The following ACE variants were observed in gnomAD, a reference collection of about 807,000 sequenced individuals.
ACE encodes the protein angiotensin-converting enzyme.
Under a neutral mutation model 162.3 loss-of-function variants are expected in ACE, and 122 were observed. The ratio of observed to expected loss-of-function variants is 0.75; its 90% CI spans 0.65 to 0.87. ACE has a LOEUF of 0.87. Among genes scored for constraint, ACE ranks in the 40% least tolerant of loss-of-function variants. ACE has a pLI of 0.00. For synonymous variants in ACE, 796 were observed against 720.6 expected, an observed-to-expected ratio of 1.10 and a Z score of -1.68; for missense variants, 1,799 against 1,735.1, an observed-to-expected ratio of 1.04 and a Z score of -0.65.
At chr17:63,489,279 G>C (rs1169614847) in intron 17 of ACE, 147 bp downstream of exon 17, 1 of 996,206 alleles carries the variant, frequency 1.0e-6, no homozygotes, top group African/African-American at 1.6e-5. Context: ...GCTGGAGGGG[G>C]GTGGGCGCTG....
Position 63,484,321 on chromosome 17 carries a change from G to A in ACE, c.1710-9G>A. ...CCCCTGTGCCCATGGTACCCACTCT[G>A]CCCACCAGGAAGGTGCTGCAGGCTG... is the stretch of plus-strand genomic sequence containing the variant. On this transcript the variant is annotated splice_polypyrimidine_tract_variant and intron_variant, in intron 11 of 24. Transcript: ENST00000290866. This position sits in a 1 kb window ranked among gnomAD's most constrained non-coding sequence, Gnocchi z 4.0. 2 of 1,608,530 alleles carry A rather than the reference G, an allele frequency of 1.2e-6. No individual in the cohort carries two copies. Among genetic ancestry groups the A allele is most frequent in the African/African-American group, 1.3e-5 (1 of 74,958 alleles).
intron 2 of ACE, chr17:63,478,414 C>T (rs2049654009): frequency 5.1e-6 from 2 of 390,290 alleles, no homozygotes; most frequent in Non-Finnish European, 4.8e-6. Flanking sequence ...GCCTGTAATC[C>T]CAGCACTTTG....
chr17:63,477,615 C>T (rs2049639837), intron 1 of ACE: 2 of 394,324 alleles, frequency 5.1e-6, no homozygotes, highest in African/African-American at 2.0e-5. Flanking sequence ...GGGGCCCCCG[C>T]GCTCTCGGGC....
At chr17:63,496,327 C>A in intron 22 of ACE, 67 bp from the exon 23 acceptor site, 1 of 1,612,152 alleles carries the variant, frequency 6.2e-7, no homozygotes, top group South Asian at 1.1e-5. Context: ...TGCAGAAGGG[C>A]CTGGGGCCCA....
chr17:63,481,460 A>G, intron 6 of ACE, 106 bp from the exon 7 acceptor site: 1 of 1,290,812 alleles, frequency 7.7e-7, no homozygotes, highest in Non-Finnish European at 1.1e-6. Context: ...CACAGAGCAG[A>G]GAAGCTTTCA....
In ACE at chr17:63,484,883, G is replaced by A; in HGVS notation, c.1921+342G>A. 1 of 1,587,956 alleles carries A rather than the reference G, an allele frequency of 6.3e-7. No individual in the cohort carries two copies. The highest frequency in any genetic ancestry group is 8.6e-7 in the Non-Finnish European group (1 of 1,167,126). ...TCCTGCGGCCATGGGCCAGGGTTGGGCTACTGCAGGACTTCCCAGCCTCCT... is the reference window on the plus strand; with the variant it reads ...TCCTGCGGCCATGGGCCAGGGTTGGACTACTGCAGGACTTCCCAGCCTCCT... On this transcript the variant is annotated intron_variant, in intron 12 of 24. Transcript: ENST00000290866. The surrounding 1 kb of genome is among the most constrained non-coding windows in gnomAD (Gnocchi z 4.0).
intron 15 of ACE, chr17:63,488,427 C>T (rs536622815): frequency 7.1e-6 from 3 of 422,120 alleles, no homozygotes; most frequent in East Asian, 6.1e-5. Context: ...ACTGCTGAGG[C>T]CCTGCAGGTG....
In ACE at chr17:63,496,969, C is replaced by A. The variant is rs1033103629; in HGVS notation, c.3675C>A (p.Asn1225Lys). Residue 1225 changes from asparagine (N) to lysine (K), a missense_variant, in exon 24 of 25, where the codon AAC (asparagine) becomes AAA (lysine). Coordinates refer to ENST00000290866, the MANE Select transcript of ACE (RefSeq NM_000789.4). ...AGAAGCTGGGCTGGCCGCAGTACAA[C>A]TGGACGCCGAACTCCGGTACCGCCA... ...HGEKLGWPQY[N>K]WTPNSARSEG... 2 of 1,611,720 alleles carry A rather than the reference C, an allele frequency of 1.2e-6. No homozygotes were observed. The highest frequency in any genetic ancestry group is 1.3e-5 in the African/African-American group (1 of 74,868).
chr17:63,482,390 C>T, intron 7 of ACE, 76 bp from the exon 8 acceptor site: 1 of 1,354,580 alleles, frequency 7.4e-7, no homozygotes, highest in South Asian at 1.2e-5. Flanking sequence ...CTTTCAGGTG[C>T]CAATCTGCCC....
Position 63,488,647 on chromosome 17 carries a change from G to T in ACE, c.2306-1G>T. 1 of 1,613,068 alleles carries T rather than the reference G, an allele frequency of 6.2e-7. No individual in the cohort carries two copies. ...GCTCAAGGCATTCAAACCCCTACCA[G>T]ATCTGACGAATGTGATGGCCACGTC... is the stretch of plus-strand genomic sequence containing the variant. On this transcript the variant is annotated splice_acceptor_variant, in intron 15 of 24. Coordinates refer to ENST00000290866, the MANE Select transcript of ACE (RefSeq NM_000789.4). LOFTEE classifies it high-confidence loss of function.
chr17:63,481,234 G>GGCC, intron 6 of ACE, 46 bp downstream of exon 6: 1 of 624,018 alleles, frequency 1.6e-6, no homozygotes, highest in Non-Finnish European at 3.0e-6. Flanking sequence ...CGGGGGTGGG[G>GGCC]CGCAAAAAAA....
chr17:63,485,485 A>C, intron 13 of ACE, 113 bp downstream of exon 13: 1 of 1,493,296 alleles, frequency 6.7e-7, no homozygotes, highest in Non-Finnish European at 9.1e-7. Context: ...TATTTAAAAC[A>C]ATACTCAATT....
In ACE at chr17:63,482,603, C is replaced by T; in HGVS notation, c.1256C>T (p.Ala419Val). 6.2e-7 allele frequency: 1 copy of T among 1,614,138 alleles called. No homozygotes were observed. Among genetic ancestry groups the T allele is most frequent in the Non-Finnish European group, 8.5e-7 (1 of 1,180,030 alleles). ...RRGANPGFHE[A>V]IGDVLALSVS... is the part of the protein sequence containing the mutation. Reference sequence around the variant, plus strand: ...GGGGCCAACCCCGGCTTCCATGAGGCCATTGGGGACGTGCTGGCGCTCTCG... The same window carrying T: ...GGGGCCAACCCCGGCTTCCATGAGGTCATTGGGGACGTGCTGGCGCTCTCG... The change falls in exon 8 of 25, where the codon GCC (alanine) becomes GTC (valine). Residue 419 changes from alanine (A) to valine (V), a missense_variant. Physicochemically the swap from Ala to Val is moderately conservative, Grantham distance 64 (BLOSUM62 0). Coordinates refer to ENST00000290866, the MANE Select transcript of ACE (RefSeq NM_000789.4).
rs2049749257 is a variant in ACE at position 63,483,533 on chromosome 17, G to A, written c.1561G>A (p.Val521Ile). ...CTTTGATGCTGGAGCTAAGTTTCAT[G>A]TTCCAAATGTGACACCATACATCAG... Reference protein sequence around the residue: ...THFDAGAKFHVPNVTPYIRYF... With the variant: ...THFDAGAKFHIPNVTPYIRYF... Residue 521 changes from valine to isoleucine, a missense_variant, in exon 10 of 25, where the codon GTT becomes ATT. Val to Ile is a conservative substitution (Grantham distance 29, BLOSUM62 3). Transcript: ENST00000290866. 3.1e-6 allele frequency: 5 copies of A among 1,614,128 alleles called. No homozygotes were observed. In the East Asian group the frequency reaches 1.1e-4, roughly 36 times the overall value.
intron 8 of ACE, 143 bp from the exon 9 acceptor site, chr17:63,482,886 C>T: frequency 9.1e-7 from 1 of 1,098,346 alleles, no homozygotes; most frequent in Non-Finnish European, 1.4e-6. Context: ...CTCTTCCAAG[C>T]AGGGCCCAGG....
chr17:63,480,464 A>G lies in ACE; in HGVS notation c.783A>G (p.Ala261=), dbSNP rs2049688266. 6.2e-7 allele frequency: 1 copy of G among 1,614,092 alleles called. No individual in the cohort carries two copies. The highest frequency in any genetic ancestry group is 8.5e-7 in the Non-Finnish European group (1 of 1,180,026). The change falls in exon 5 of 25, where the codon GCA becomes GCG. Residue 261 remains alanine (A), a synonymous_variant. Transcript: ENST00000290866. ...YLNLHAFVRR[A]LHRRYGDRYI... is the part of the protein sequence containing the mutation. ...ACCTCCATGCCTTCGTCCGCCGCGC[A>G]CTGCATCGCCGATACGGAGACAGAT... is the stretch of plus-strand genomic sequence containing the variant.
chr17:63,494,534 C>A, intron 22 of ACE, 64 bp downstream of exon 22: 1 of 1,418,250 alleles, frequency 7.1e-7, no homozygotes, highest in Non-Finnish European at 9.9e-7. Flanking sequence ...GTTTCAACTG[C>A]GGCCACTGCC....
In ACE at chr17:63,493,049, C is replaced by T. The variant is rs1000161428; in HGVS notation, c.2913-387C>T. On this transcript the variant is annotated intron_variant, in intron 19 of 24. Transcript: ENST00000290866. ...CCCTGACAGAAACAGTTGTTTCCTT[C>T]AGGGAGCCTCCATCTTGGGAGATAA... Among the ~76,000 whole-genome samples, 4 of 152,154 alleles carry T rather than the reference C, an allele frequency of 2.6e-5. No individual in the cohort carries two copies. The East Asian group carries it at 7.7e-4, about 29-fold the overall frequency.
At chr17:63,485,029 C>G (rs1445758551) in intron 12 of ACE, 1 of 1,611,096 alleles carries the variant, frequency 6.2e-7, no homozygotes, top group Non-Finnish European at 8.5e-7. Flanking sequence ...CAACCACCCA[C>G]CAGGCGACGG....
Sources: allele counts gnomAD v4.1 joint callset (sites outside exome capture counted in the v4.1 genomes callset), GRCh38; gene constraint gnomAD v4.1.1; non-coding constraint Gnocchi (gnomAD v3.1); transcripts MANE v1.5; gene names NCBI Gene and HGNC (gene_info 2026-07-23, HGNC 2026-07-21).